Variants in ACTN1 observed in about 807,000 individuals in gnomAD.
ACTN1 encodes the protein alpha-actinin-1.
A neutral mutation model predicts 119.6 loss-of-function variants in ACTN1; 30 were observed. The observed-to-expected ratio is 0.25, with a 90% CI of 0.19 to 0.34. The LOEUF (loss-of-function observed/expected upper bound fraction) is 0.34, where lower values mean the gene tolerates loss of function less well. ACTN1 is among the 10% of genes least tolerant of loss of function. The pLI, the probability that ACTN1 is intolerant of heterozygous loss-of-function variation, is 1.00. For missense variants in ACTN1, 764 were observed against 1,223.4 expected, an observed-to-expected ratio of 0.62 and a Z score of 5.60; for synonymous variants, 429 against 472.6, an observed-to-expected ratio of 0.91 and a Z score of 1.20.
chr14:68,919,337 C>T (rs1297218215), intron 3 of ACTN1, among the ~76,000 whole-genome samples: 1 of 152,196 alleles, frequency 6.6e-6, no homozygotes, highest in Non-Finnish European at 1.5e-5. Context: ...CACAAATTCT[C>T]TACACTTCCC....
chr14:68,960,919 T>TGGGTCTTG (rs2036515213), intron 1 of ACTN1, among the ~76,000 whole-genome samples: 1 of 151,966 alleles, frequency 6.6e-6, no homozygotes, highest in African/African-American at 2.4e-5. Context: ...AATGTAAAAA[T>TGGGTCTTG]TAGCCAGGCA....
chr14:68,885,332 AT>A lies in ACTN1; in HGVS notation c.1385+92del. ...GCACCCACCTGTACCCACCCTCCCC[AT>A]CTTCCACGGCCACACCCCCACCTCC... On this transcript the variant is annotated intron_variant, in intron 12 of 21. Coordinates refer to ENST00000394419, the MANE Select transcript of ACTN1 (RefSeq NM_001130004.2). The surrounding 1 kb of genome is among the most constrained non-coding windows in gnomAD (Gnocchi z 5.6). The A allele has an allele frequency of 1.0e-6, 1 of 968,748 alleles. No individual in the cohort carries two copies. Among genetic ancestry groups the A allele is most frequent in the Non-Finnish European group, 1.4e-6 (1 of 706,994 alleles). The allele number at this position is 968,748 out of a possible 1,614,324, so 60.0% of individuals were successfully genotyped here.
At chr14:68,891,734 T>G (rs2032503141) in intron 10 of ACTN1, among the ~76,000 whole-genome samples, 1 of 152,138 alleles carries the variant, frequency 6.6e-6, no homozygotes. Flanking sequence ...TATGCCCTGT[T>G]TGGTTCAGGG....
intron 1 of ACTN1, among the ~76,000 whole-genome samples, chr14:68,933,154 C>T (rs1467599078): frequency 1.3e-5 from 2 of 149,604 alleles, no homozygotes; most frequent in African/African-American, 5.1e-5. Flanking sequence ...TTATTATTTG[C>T]GATGTATCTC....
chr14:68,945,212 AAAAC>A (rs2035903881), intron 1 of ACTN1, among the ~76,000 whole-genome samples: 2 of 151,800 alleles, frequency 1.3e-5, no homozygotes, highest in East Asian at 1.9e-4. Flanking sequence ...GAAGAAGAAG[AAAAC>A]AAACAAACAG....
chr14:68,964,174 C>T (rs1015685216), intron 1 of ACTN1, among the ~76,000 whole-genome samples: 1 of 152,200 alleles, frequency 6.6e-6, no homozygotes, highest in African/African-American at 2.4e-5. Flanking sequence ...GCCTTTCCAA[C>T]CCTGCCTATT....
chr14:68,932,110 A>G (rs1471528578), intron 1 of ACTN1, among the ~76,000 whole-genome samples: 2 of 152,044 alleles, frequency 1.3e-5, no homozygotes, highest in African/African-American at 4.8e-5. Context: ...GCAAAGTATT[A>G]TTCCTGGGTG....
intron 8 of ACTN1, among the ~76,000 whole-genome samples, chr14:68,894,393 T>G (rs1341521687): frequency 2.6e-5 from 4 of 152,148 alleles, no homozygotes; most frequent in Non-Finnish European, 5.9e-5. Flanking sequence ...TCCAGACAGC[T>G]AAGCACACAT....
At chr14:68,889,764 C>A (rs574346438) in intron 11 of ACTN1, among the ~76,000 whole-genome samples, 3 of 151,732 alleles carry the variant, frequency 2.0e-5, no homozygotes, top group African/African-American at 4.9e-5. Context: ...ATCCTGGCAA[C>A]AAGAACACAA....
chr14:68,957,893 A>G lies in ACTN1; in HGVS notation c.105+21059T>C, dbSNP rs546417993. ...TGAGAGACGGCAGGTTTAGGTTCTCATTTATGATCGCTCGCACTTCCCTTC... is the reference window on the plus strand; with the variant it reads ...TGAGAGACGGCAGGTTTAGGTTCTCGTTTATGATCGCTCGCACTTCCCTTC... On this transcript the variant is annotated intron_variant, in intron 1 of 21. Coordinates refer to ENST00000394419, the MANE Select transcript of ACTN1 (RefSeq NM_001130004.2). Among the ~76,000 whole-genome samples, 5 of 152,278 alleles carry G rather than the reference A, an allele frequency of 3.3e-5. No individual in the cohort carries two copies. The East Asian group carries it at 9.7e-4, about 29-fold the overall frequency.
In ACTN1 at chr14:68,879,366, C is replaced by G. The variant is rs1429556471; in HGVS notation, c.2281-297G>C. ...GCTCCCTCAGAAGTGACCCAGCCCC[C>G]CCGCTTCCCCAGGGGCTTCCCCCCA... On this transcript the variant is annotated intron_variant, in intron 18 of 21. Coordinates refer to ENST00000394419, the MANE Select transcript of ACTN1 (RefSeq NM_001130004.2). The surrounding 1 kb of genome is among the most constrained non-coding windows in gnomAD (Gnocchi z 4.9). 6.6e-6 allele frequency among the ~76,000 whole-genome samples: 1 copy of G among 152,042 alleles called. No individual in the cohort carries two copies. Among genetic ancestry groups the G allele is most frequent in the Non-Finnish European group, 1.5e-5 (1 of 67,968 alleles).
chr14:68,878,604 AG>A lies in ACTN1; in HGVS notation c.2362-82del. 1 of 1,595,482 alleles carries A rather than the reference AG, an allele frequency of 6.3e-7. No individual in the cohort carries two copies. The highest frequency in any genetic ancestry group is 8.5e-7 in the Non-Finnish European group (1 of 1,170,928). On this transcript the variant is annotated intron_variant, in intron 19 of 21. Transcript: ENST00000394419. This position sits in a 1 kb window ranked among gnomAD's most constrained non-coding sequence, Gnocchi z 4.4. ...AGGGCCGGCCCGGGGCCAGGAAGAC[AG>A]GAACAGATGGCCAGAACGGGGATGA... is the stretch of plus-strand genomic sequence containing the variant.
chr14:68,878,550 C>G lies in ACTN1; in HGVS notation c.2362-27G>C. 1.2e-6 allele frequency: 2 copies of G among 1,612,214 alleles called. No individual in the cohort carries two copies. The highest frequency in any genetic ancestry group is 1.7e-6 in the Non-Finnish European group (2 of 1,179,084). On this transcript the variant is annotated intron_variant, in intron 19 of 21. Transcript: ENST00000394419. This position sits in a 1 kb window ranked among gnomAD's most constrained non-coding sequence, Gnocchi z 4.4. ...TGTGGGGGGCAGTGGTACCAAGACA[C>G]AAGGAGGGTCGGGAAGGCAGGAAGA...
intron 13 of ACTN1, 74 bp downstream of exon 13, chr14:68,884,701 G>C: frequency 3.1e-6 from 4 of 1,280,538 alleles, no homozygotes; most frequent in Non-Finnish European, 4.6e-6. Context: ...CCAAAGCAAA[G>C]AGAGTCAAGA....
chr14:68,913,060 T>C (rs571047889), intron 3 of ACTN1, among the ~76,000 whole-genome samples: 8 of 152,324 alleles, frequency 5.3e-5, no homozygotes, highest in Non-Finnish European at 8.8e-5. Flanking sequence ...AAAACAGATG[T>C]TTTTTTAAAA....
rs2032691823 is a variant in ACTN1, at chr14:68,893,855, TG to T, written c.763-109del. ...TCCCATCCCTGCAGCTCCCTGTGGT[TG>T]GAAGGGAGTTAAGAAGGCTGTGAGG... On this transcript the variant is annotated intron_variant, in intron 8 of 21. Transcript: ENST00000394419. The T allele has an allele frequency of 3.9e-6, 4 of 1,023,718 alleles. No homozygotes were observed. In the Admixed American group the frequency reaches 8.7e-5, roughly 22 times the overall value. The allele number at this position is 1,023,718 out of a possible 1,614,324, so 63.4% of individuals were successfully genotyped here.
Position 68,903,571 on chromosome 14 carries a change from G to A in ACTN1, c.677-1009C>T, listed in dbSNP as rs375086293. On this transcript the variant is annotated intron_variant, in intron 7 of 21. Transcript: ENST00000394419. ...AAAAAGCCACTGGTGGGGCAGAGGG[G>A]CAGGGAACAGTCTGGACCCCACCGT... is the stretch of plus-strand genomic sequence containing the variant. 4.9e-4 allele frequency among the ~76,000 whole-genome samples: 75 copies of A among 151,902 alleles called. 1 individual carries two copies. The highest frequency in any genetic ancestry group is 1.7e-3 in the African/African-American group (69 of 41,452).
intron 7 of ACTN1, 32 bp downstream of exon 7, chr14:68,904,623 G>C: frequency 6.2e-7 from 1 of 1,603,566 alleles, no homozygotes; most frequent in Non-Finnish European, 8.5e-7. Flanking sequence ...GTGGGCGATG[G>C]GCAAGAGACA....
intron 8 of ACTN1, among the ~76,000 whole-genome samples, chr14:68,901,253 T>G (rs1281857917): frequency 1.4e-5 from 2 of 144,420 alleles, no homozygotes; most frequent in Non-Finnish European, 3.0e-5. Context: ...TGTTTTGTTT[T>G]TTTTTTTTTT....
Sources: allele counts gnomAD v4.1 joint callset (sites outside exome capture counted in the v4.1 genomes callset), GRCh38; gene constraint gnomAD v4.1.1; non-coding constraint Gnocchi (gnomAD v3.1); transcripts MANE v1.5; gene names NCBI Gene and HGNC (gene_info 2026-07-23, HGNC 2026-07-21).